PIGN: variants seen among roughly 807,000 people sequenced by gnomAD.
PIGN encodes GPI ethanolamine phosphate transferase 1.
Under a neutral mutation model 125.4 loss-of-function variants are expected in PIGN, and 117 were observed. That is an observed-to-expected ratio of 0.93 (90% CI 0.80 to 1.09). The LOEUF is 1.09. Among genes scored for constraint, PIGN ranks in the 50% least tolerant of loss-of-function variants. The pLI, the probability that PIGN is intolerant of heterozygous loss-of-function variation, is 0.00. For missense variants in PIGN, 1,075 were observed against 1,094.9 expected, an observed-to-expected ratio of 0.98 and a Z score of 0.26; for synonymous variants, 392 against 377.8, an observed-to-expected ratio of 1.04 and a Z score of -0.44.
chr18:62,110,306 T>C (rs2034826494), intron 16 of PIGN, among the ~76,000 whole-genome samples: 7 of 152,134 alleles, frequency 4.6e-5, no homozygotes, highest in Admixed American at 3.9e-4. Context: ...GATTGAGTTC[T>C]CTGGATAACT....
rs568722217 is a variant in PIGN, at chr18:62,125,554, C to T, written c.1173-10915G>A. On this transcript the variant is annotated intron_variant, in intron 14 of 30. Transcript: ENST00000640252. ...AGTTCTGTATCACACGATGGAACTG[C>T]TTGGTTAAAGATTTTAAATACTTTA... 2.6e-3 allele frequency among the ~76,000 whole-genome samples: 390 copies of T among 152,064 alleles called. 2 individuals are homozygous for T. Among genetic ancestry groups the T allele is most frequent in the African/African-American group, 8.8e-3 (365 of 41,544 alleles).
chr18:62,128,093 CATCTT>C (rs1259198472), intron 14 of PIGN, among the ~76,000 whole-genome samples: 1 of 152,076 alleles, frequency 6.6e-6, no homozygotes, highest in Non-Finnish European at 1.5e-5. Flanking sequence ...ATGTCAAAAA[CATCTT>C]ATAATTCCCA....
In PIGN at chr18:62,101,072, T is replaced by G; in HGVS notation, c.2077+3A>C. The G allele has an allele frequency of 6.5e-7, 1 of 1,550,256 alleles. No homozygotes were observed. On this transcript the variant is annotated splice_donor_region_variant and intron_variant, in intron 22 of 30. Transcript: ENST00000640252. ...ACCTCACCTGGTTTGAGTGGCCTCT[T>G]ACCTAATGTTGCCCAGCTAATAATT...
chr18:62,093,178 T>C (rs1300037844), intron 23 of PIGN, among the ~76,000 whole-genome samples: 1 of 152,114 alleles, frequency 6.6e-6, no homozygotes, highest in Non-Finnish European at 1.5e-5. Context: ...TTTGAAGTTA[T>C]ATATGAAGTT....
At position 62,147,057 on chromosome 18, in the gene PIGN, T is replaced by A. The variant is rs780180671; in HGVS notation, c.719A>T (p.Glu240Val). The A allele has an allele frequency of 1.2e-5, 20 of 1,608,664 alleles. No homozygotes were observed. In the South Asian group the frequency reaches 1.9e-4, roughly 15 times the overall value. The change falls in exon 9 of 31, where the codon GAA becomes GTA. Residue 240 changes from glutamate to valine, a missense_variant. Around this residue, in one of 3 missense-constraint regions of PIGN, gnomAD observed 915 missense variants for 908.7 expected, o/e 1.01. Coordinates refer to ENST00000640252, the MANE Select transcript of PIGN (RefSeq NM_176787.5). ...NIKKVDDGVKEIVSMFNHFYG... is the reference protein window; with the variant it reads ...NIKKVDDGVKVIVSMFNHFYG... Reference sequence around the variant, plus strand: ...GAAGTGGTTAAACATAGACACGATTTCTTTAACTCCATCATCAACTTTTTT... The same window carrying A: ...GAAGTGGTTAAACATAGACACGATTACTTTAACTCCATCATCAACTTTTTT...
Position 62,102,841 on chromosome 18 carries a change from T to A in PIGN, c.1921A>T (p.Arg641Ter), listed in dbSNP as rs148925938. ...TCTTCCTTTATAAAGCTATCTTTTC[T>A]TTTCATGAGAGATGTTACAACACAC... ...SLCVVTSLMK[R>*]KDSFIKEELL... Residue 641 changes from arginine to a stop codon, truncating the protein, a stop_gained, in exon 21 of 31, where the codon AGA (arginine) becomes TGA (stop). Transcript: ENST00000640252. LOFTEE classifies it high-confidence loss of function. The A allele has an allele frequency of 1.3e-6, 2 of 1,585,122 alleles. No homozygotes were observed. The highest frequency in any genetic ancestry group is 1.7e-6 in the Non-Finnish European group (2 of 1,164,122).
intron 30 of PIGN, among the ~76,000 whole-genome samples, chr18:62,048,407 A>G (rs1116298): frequency 6.6e-6 from 1 of 152,190 alleles, no homozygotes; most frequent in African/African-American, 2.4e-5. Context: ...ATTACTAAAA[A>G]CTAAAAACAA....
intron 14 of PIGN, among the ~76,000 whole-genome samples, chr18:62,120,004 A>C (rs1434982300): frequency 1.3e-5 from 2 of 152,194 alleles, no homozygotes; most frequent in Non-Finnish European, 2.9e-5. Flanking sequence ...GGAATACCAG[A>C]GAGGGAGAGA....
chr18:62,101,149 T>C lies in PIGN; in HGVS notation c.2003A>G (p.Tyr668Cys). Residue 668 changes from tyrosine to cysteine, a missense_variant, in exon 22 of 31, where the codon TAT (tyrosine) becomes TGT (cysteine). Physicochemically the swap from Tyr to Cys is radical, Grantham distance 194 (BLOSUM62 -2). Transcript: ENST00000640252. ...LSTVLSMYVV[Y>C]STQSSLLRKQ... is the part of the protein sequence containing the mutation. ...CCTGAGTAGACTACTCTGAGTGCTATACACAACATACATGGAGAGCACTGT... is the reference window on the plus strand; with the variant it reads ...CCTGAGTAGACTACTCTGAGTGCTACACACAACATACATGGAGAGCACTGT... 2 of 1,608,130 alleles carry C rather than the reference T, an allele frequency of 1.2e-6. No individual in the cohort carries two copies. Among genetic ancestry groups the C allele is most frequent in the Non-Finnish European group, 1.7e-6 (2 of 1,175,348 alleles).
At chr18:62,162,385 C>T (rs970021064) in intron 2 of PIGN, 56 bp from the exon 3 acceptor site, 8 of 151,788 alleles carry the variant, frequency 5.3e-5, no homozygotes, top group African/African-American at 7.3e-5. Context: ...TGTAATGTAA[C>T]GGCATTAGCT....
At position 62,109,885 on chromosome 18, in the gene PIGN, T is replaced by C. The variant is rs755865317; in HGVS notation, c.1523A>G (p.Tyr508Cys). Residue 508 changes from tyrosine to cysteine, a missense_variant, in exon 17 of 31, where the codon TAT becomes TGT. Physicochemically the swap from Tyr to Cys is radical, Grantham distance 194. Coordinates refer to ENST00000640252, the MANE Select transcript of PIGN (RefSeq NM_176787.5). Reference protein sequence around the residue: ...FLLIQACPWTYYVYGLLPLPI... With the variant: ...FLLIQACPWTCYVYGLLPLPI... ...CAGTGGCAACAAACCATATACATAA[T>C]ATGTCCAGGGACAGGCTTGAATCAG... 4 of 1,612,884 alleles carry C rather than the reference T, an allele frequency of 2.5e-6. No homozygotes were observed. The African/African-American group carries it at 4.0e-5, about 16-fold the overall frequency.
chr18:62,044,207 A>T lies in PIGN; in HGVS notation c.*1649T>A, dbSNP rs989454459. On this transcript the variant is annotated 3_prime_UTR_variant, in exon 31 of 31. Coordinates refer to ENST00000640252, the MANE Select transcript of PIGN (RefSeq NM_176787.5). ...CTCAAAGAGCAAAATAAAGAAAGAT[A>T]AAAAAACTGAGCACCCTTTACAATG... 3.9e-5 allele frequency: 6 copies of T among 152,170 alleles called. No individual in the cohort carries two copies. The East Asian group carries it at 7.7e-4, about 19-fold the overall frequency. The allele number at this position is 152,170 out of a possible 1,614,324, so 9.4% of individuals were successfully genotyped here.
intron 1 of PIGN, among the ~76,000 whole-genome samples, chr18:62,179,155 CACA>C (rs2037629841): frequency 6.6e-6 from 1 of 152,164 alleles, no homozygotes; most frequent in African/African-American, 2.4e-5. Flanking sequence ...CCATTTTCTT[CACA>C]TCACATTAAG....
Position 62,075,009 on chromosome 18 carries a change from A to G in PIGN, c.2577-188T>C, listed in dbSNP as rs1599459389. The G allele has an allele frequency of 1.7e-5, 8 of 468,688 alleles. No homozygotes were observed. In the East Asian group the frequency reaches 2.8e-4, roughly 16 times the overall value. 29.0% of individuals were successfully genotyped at this position (468,688 alleles called of 1,614,324 possible). ...TACCATAGAGATGAGCTGGACTGTAAAATGTGTTATTAAGTGCTCTGAATA... is the reference window on the plus strand; with the variant it reads ...TACCATAGAGATGAGCTGGACTGTAGAATGTGTTATTAAGTGCTCTGAATA... On this transcript the variant is annotated intron_variant, in intron 28 of 30. Transcript: ENST00000640252.
chr18:62,032,458 C>A (rs762180824), intron 23 of PIGN, among the ~76,000 whole-genome samples: 10 of 152,168 alleles, frequency 6.6e-5, no homozygotes, highest in Non-Finnish European at 1.0e-4. Context: ...GTGCCCCAAG[C>A]CAACTGCACA....
At chr18:62,120,892 GA>G (rs1263962889) in intron 14 of PIGN, among the ~76,000 whole-genome samples, 2 of 151,546 alleles carry the variant, frequency 1.3e-5, no homozygotes, top group Admixed American at 6.6e-5. Context: ...CCAACTAAAA[GA>G]AAAAAAGTAG....
Position 62,145,998 on chromosome 18 carries a change from T to G in PIGN, c.833A>C (p.Glu278Ala). 6.3e-7 allele frequency: 1 copy of G among 1,596,962 alleles called. No homozygotes were observed. The highest frequency in any genetic ancestry group is 8.5e-7 in the Non-Finnish European group (1 of 1,170,148). ...WGSHGAGHPS[E>A]TLTPLVTWGA... ...CCAAGTGACTAAAGGAGTTAAAGTC[T>G]CTGAAGGATGACCAGCCCCATGGGA... The change falls in exon 10 of 31, where the codon GAG becomes GCG. Residue 278 changes from glutamate to alanine, a missense_variant. Transcript: ENST00000640252.
intron 14 of PIGN, 37 bp from the exon 15 acceptor site, chr18:62,114,676 C>T: frequency 1.0e-6 from 1 of 1,001,016 alleles, no homozygotes; most frequent in Non-Finnish European, 1.5e-6. Flanking sequence ...AAAGGGTTTC[C>T]TCATTCCAAG....
At chr18:62,166,909 G>A (rs2037154754) in intron 1 of PIGN, among the ~76,000 whole-genome samples, 1 of 152,206 alleles carries the variant, frequency 6.6e-6, no homozygotes, top group East Asian at 1.9e-4. Context: ...CAGGGGTGGA[G>A]GACAAAAGAA....
Sources: allele counts gnomAD v4.1 joint callset (sites outside exome capture counted in the v4.1 genomes callset), GRCh38; gene constraint gnomAD v4.1.1; regional missense constraint gnomAD v4.1.1; transcripts MANE v1.5; gene names NCBI Gene and HGNC (gene_info 2026-07-23, HGNC 2026-07-21).